CFAP58: variants seen among roughly 807,000 people sequenced by gnomAD.
The protein encoded by CFAP58 is cilia and flagella associated protein 58.
Under a neutral mutation model 119.5 loss-of-function variants are expected in CFAP58, and 88 were observed. That is an observed-to-expected ratio of 0.74 (90% confidence interval 0.62 to 0.88). The LOEUF is 0.88. Ranked by LOEUF, CFAP58 falls within the 40% of genes least tolerant of loss-of-function variation. CFAP58 has a pLI of 0.00. For synonymous variants in CFAP58, 365 were observed against 366.3 expected (o/e 1.00, Z 0.04); for missense variants, 990 against 1,021.2 (o/e 0.97, Z 0.42).
upstream of CFAP58, among the ~76,000 whole-genome samples, chr10:104,350,669 T>C (rs2014449566): frequency 1.3e-5 from 2 of 152,218 alleles, no homozygotes; most frequent in South Asian, 4.1e-4. Context: ...CCCATTGTGC[T>C]TTCTGTTAAA....
At position 104,370,910 on chromosome 10, in the gene CFAP58, G is replaced by T. The variant is rs1391588701; in HGVS notation, c.946G>T (p.Val316Phe). The change falls in exon 7 of 18, where the codon GTC becomes TTC. Residue 316 changes from valine (V) to phenylalanine (F), a missense_variant. Coordinates refer to ENST00000369704, the MANE Select transcript of CFAP58 (RefSeq NM_001008723.2). Reference sequence around the variant, plus strand: ...CTAATTACAGGCCAAAGAGGAAGAAGTCCATCAAATGCGCCTTGACATCGG... The same window carrying T: ...CTAATTACAGGCCAAAGAGGAAGAATTCCATCAAATGCGCCTTGACATCGG... ...ALELKAKEEE[V>F]HQMRLDIGKL... The T allele has an allele frequency of 3.7e-6, 6 of 1,612,258 alleles. No individual in the cohort carries two copies. The highest frequency in any genetic ancestry group is 5.1e-6 in the Non-Finnish European group (6 of 1,179,566).
chr10:104,390,550 T>C (rs953676190), intron 9 of CFAP58, among the ~76,000 whole-genome samples: 6 of 152,204 alleles, frequency 3.9e-5, no homozygotes, highest in Non-Finnish European at 8.8e-5. Context: ...AGAGGATTTT[T>C]GAGAGATTAA....
At chr10:104,340,156 A>G in the CFAP58 span, among the ~76,000 whole-genome samples, 3 of 152,148 alleles carry the variant, frequency 2.0e-5, no homozygotes, top group South Asian at 2.1e-4. Context: ...TCTAAGGTCC[A>G]CCCTTCTACC....
At chr10:104,420,182 A>G (rs1431266583) in intron 15 of CFAP58, among the ~76,000 whole-genome samples, 2 of 151,484 alleles carry the variant, frequency 1.3e-5, no homozygotes, top group Admixed American at 6.6e-5. Flanking sequence ...AAGTTTCTCA[A>G]CGTGTGTCCT....
chr10:104,340,180 G>A, the CFAP58 span, among the ~76,000 whole-genome samples: 1 of 152,126 alleles, frequency 6.6e-6, no homozygotes, highest in South Asian at 2.1e-4. Context: ...CTTGTAAGTC[G>A]TTCATGAACT....
chr10:104,343,676 T>C, the CFAP58 span, among the ~76,000 whole-genome samples: 2 of 152,228 alleles, frequency 1.3e-5, no homozygotes, highest in African/African-American at 4.8e-5. Flanking sequence ...ACTCTTCCTA[T>C]GTTAACCTCT....
At chr10:104,428,795 G>T (rs1217596401) in intron 15 of CFAP58, among the ~76,000 whole-genome samples, 1 of 152,222 alleles carries the variant, frequency 6.6e-6, no homozygotes, top group East Asian at 1.9e-4. Context: ...GGACAGGAAG[G>T]CGGAGAGAGT....
At chr10:104,396,304 C>T (rs2133037103) in intron 11 of CFAP58, among the ~76,000 whole-genome samples, 1 of 151,036 alleles carries the variant, frequency 6.6e-6, no homozygotes, top group East Asian at 2.0e-4. Context: ...AGCCTGGCTT[C>T]AGGGCACCAT....
At chr10:104,340,579 T>TACAAAGATTCCCATA in the CFAP58 span, among the ~76,000 whole-genome samples, 1 of 152,136 alleles carries the variant, frequency 6.6e-6, no homozygotes, top group Non-Finnish European at 1.5e-5. Flanking sequence ...GATAGGAAAG[T>TACAAAGATTCCCATA]ACAAAGATTC....
chr10:104,383,275 A>G (rs1465642158), intron 9 of CFAP58, among the ~76,000 whole-genome samples: 1 of 152,200 alleles, frequency 6.6e-6, no homozygotes, highest in Non-Finnish European at 1.5e-5. Flanking sequence ...ATGATTATCA[A>G]TCTATAGTGT....
At chr10:104,396,377 AGAGAGAGAGAGAGAGAGAGAGAGAG>A (rs2012155604) in intron 11 of CFAP58, among the ~76,000 whole-genome samples, 5 of 8,428 alleles carry the variant, frequency 5.9e-4, no homozygotes, top group African/African-American at 4.1e-3. Context: ...CATGAGAGAG[AGAGAGAGAGAGAGAGAGAGAGAGAG>A]AGAGAGAGAG....
At chr10:104,366,550 GT>G (rs1169598387) in intron 5 of CFAP58, among the ~76,000 whole-genome samples, 2 of 152,172 alleles carry the variant, frequency 1.3e-5, no homozygotes, top group African/African-American at 4.8e-5. Flanking sequence ...TATTCATGTT[GT>G]TGCCATGTAG....
rs140537135 is a variant in CFAP58 at position 104,447,789 on chromosome 10, C to A, written c.2348C>A (p.Thr783Lys). 1 of 1,613,808 alleles carries A rather than the reference C, an allele frequency of 6.2e-7. No homozygotes were observed. Among genetic ancestry groups the A allele is most frequent in the Admixed American group, 1.7e-5 (1 of 59,972 alleles). ...AAEQLKLYRRTLHDKKQQLKV... is the reference protein window; with the variant it reads ...AAEQLKLYRRKLHDKKQQLKV... ...GAACAGCTGAAGCTGTACCGACGCACGCTGCATGACAAGAAGCAGCAGCTG... is the reference window on the plus strand; with the variant it reads ...GAACAGCTGAAGCTGTACCGACGCAAGCTGCATGACAAGAAGCAGCAGCTG... Residue 783 changes from threonine to lysine, a missense_variant, in exon 16 of 18, where the codon ACG becomes AAG. Physicochemically the swap from Thr to Lys is moderately conservative, Grantham distance 78. Coordinates refer to ENST00000369704, the MANE Select transcript of CFAP58 (RefSeq NM_001008723.2).
chr10:104,386,928 G>C (rs1019135648), intron 9 of CFAP58, among the ~76,000 whole-genome samples: 1 of 152,160 alleles, frequency 6.6e-6, no homozygotes, highest in Non-Finnish European at 1.5e-5. Flanking sequence ...GTGACTTCCA[G>C]ACCTGGTCTC....
the CFAP58 span, among the ~76,000 whole-genome samples, chr10:104,344,953 A>G: frequency 2.4e-3 from 366 of 152,114 alleles, 5 homozygotes; most frequent in African/African-American, 7.7e-3. Flanking sequence ...TTTAAGACCA[A>G]CCTGGTTAAC....
At chr10:104,351,331 C>T (rs11192019), upstream of CFAP58, among the ~76,000 whole-genome samples, 45,035 of 152,058 alleles carry the variant, frequency 0.3, 7,032 homozygotes, top group African/African-American at 0.38. Flanking sequence ...TATTCATCAA[C>T]CCAACACAGT....
intron 15 of CFAP58, among the ~76,000 whole-genome samples, chr10:104,422,701 T>C (rs1564899866): frequency 6.6e-6 from 1 of 152,304 alleles, no homozygotes; most frequent in East Asian, 1.9e-4. Context: ...CTTACTCTCA[T>C]GGTAACAGCC....
At chr10:104,393,106 T>C (rs2012081984) in intron 10 of CFAP58, among the ~76,000 whole-genome samples, 1 of 152,234 alleles carries the variant, frequency 6.6e-6, no homozygotes, top group African/African-American at 2.4e-5. Context: ...ATGTTCATTA[T>C]GCATATTTTG....
rs764175146 is a variant in CFAP58, at chr10:104,358,614, C to T, written c.283C>T (p.Leu95=). 6.8e-6 allele frequency: 11 copies of T among 1,607,762 alleles called. No individual in the cohort carries two copies. The Admixed American group carries it at 1.7e-4, about 25-fold the overall frequency. Residue 95 remains leucine (L), a synonymous_variant, in exon 2 of 18, where the codon CTA becomes TTA. Coordinates refer to ENST00000369704, the MANE Select transcript of CFAP58 (RefSeq NM_001008723.2). Reference sequence around the variant, plus strand: ...GGATGATCAGACCACCATTGCATCCCTAAAGAAGGTCAGTGATCTTCTAGA... The same window carrying T: ...GGATGATCAGACCACCATTGCATCCTTAAAGAAGGTCAGTGATCTTCTAGA... ...SQDDQTTIAS[L]KKEIEKAWKM...
Sources: allele counts gnomAD v4.1 joint callset (sites outside exome capture counted in the v4.1 genomes callset), GRCh38; gene constraint gnomAD v4.1.1; transcripts MANE v1.5; gene names NCBI Gene and HGNC (gene_info 2026-07-23, HGNC 2026-07-21).